Variants in ZFR2 observed in about 807,000 individuals in gnomAD.
The protein encoded by ZFR2 is zinc finger RNA binding protein 2.
A neutral mutation model predicts 105.7 loss-of-function variants in ZFR2; 104 were observed. That is an observed-to-expected ratio of 0.98 (90% CI 0.84 to 1.16). The LOEUF (loss-of-function observed/expected upper bound fraction) is 1.16, where lower values mean the gene tolerates loss of function less well. ZFR2 is among the 50% of genes most tolerant of loss of function. The probability of loss-of-function intolerance (pLI) is 0.00; values close to 1 mark genes in which losing one functional copy is unlikely to be tolerated. For missense variants in ZFR2, 1,425 were observed against 1,355.5 expected, an observed-to-expected ratio of 1.05 and a Z score of -0.80; for synonymous variants, 634 against 597.7, an observed-to-expected ratio of 1.06 and a Z score of -0.89.
At position 3,808,226 on chromosome 19, in the gene ZFR2, C is replaced by T. The variant is rs576087156; in HGVS notation, c.2545+646G>A. On this transcript the variant is annotated intron_variant, in intron 17 of 18. Coordinates refer to ENST00000262961, the MANE Select transcript of ZFR2 (RefSeq NM_015174.2). Reference sequence around the variant, plus strand: ...ATGTGCGTGTGTGCCCGTGCGAGTGCGTGCGTGTGCCCGTGTGTGCAAGTA... The same window carrying T: ...ATGTGCGTGTGTGCCCGTGCGAGTGTGTGCGTGTGCCCGTGTGTGCAAGTA... Among the ~76,000 whole-genome samples the T allele has an allele frequency of 6.1e-3, 881 of 145,372 alleles. 6 individuals carry two copies. Among genetic ancestry groups the T allele is most frequent in the Middle Eastern group, 0.02 (5 of 252 alleles).
rs1236117253 is a variant in ZFR2 at position 3,816,660 on chromosome 19, G to A, written c.2103+14C>T. 4.4e-6 allele frequency: 7 copies of A among 1,592,754 alleles called. No individual in the cohort carries two copies. In the South Asian group the frequency reaches 7.7e-5, roughly 18 times the overall value. On this transcript the variant is annotated intron_variant, in intron 13 of 18. Coordinates refer to ENST00000262961, the MANE Select transcript of ZFR2 (RefSeq NM_015174.2). ...AGACGCCAGAAGCAGCGATGAGCAG[G>A]GCCCTGACCTTACCTGGAGCTGCCG...
rs185990234 is a variant in ZFR2 at position 3,864,980 on chromosome 19, C to G, written c.53+3985G>C. Among the ~76,000 whole-genome samples, 369 of 151,774 alleles carry G rather than the reference C, an allele frequency of 2.4e-3. 1 individual carries two copies. The highest frequency in any genetic ancestry group is 6.8e-3 in the African/African-American group (281 of 41,406). On this transcript the variant is annotated intron_variant, in intron 1 of 18. Transcript: ENST00000262961. ...GCCAGGCTGGTCTCGAACTCCTGAC[C>G]TCAGGTGATCTACCCGCCTCGGCCT...
chr19:3,843,218 C>T (rs2038151832), intron 1 of ZFR2, among the ~76,000 whole-genome samples: 1 of 152,184 alleles, frequency 6.6e-6, no homozygotes. Context: ...CGCCTGGGAT[C>T]CCAGCACTTC....
At chr19:3,867,308 G>GGGGGC (rs1555762894) in intron 1 of ZFR2, among the ~76,000 whole-genome samples, 5 of 151,488 alleles carry the variant, frequency 3.3e-5, no homozygotes, top group African/African-American at 1.2e-4. Flanking sequence ...AACTGTTGGG[G>GGGGGC]GGGGAATCTG....
At position 3,825,392 on chromosome 19, in the gene ZFR2, C is replaced by T. The variant is rs1216066273; in HGVS notation, c.1051G>A (p.Ala351Thr). ...GTGGGAATGGGCTTCCCCAGTTTGG[C>T]GTGCAGCTTGAAGACCTGCAACAGA... ...SKHQKVFKLH[A>T]KLGKPIPTLE... Residue 351 changes from alanine to threonine, a missense_variant, in exon 7 of 19, where the codon GCC (alanine) becomes ACC (threonine). Physicochemically the swap from Ala to Thr is moderately conservative, Grantham distance 58 (BLOSUM62 0). Coordinates refer to ENST00000262961, the MANE Select transcript of ZFR2 (RefSeq NM_015174.2). The T allele has an allele frequency of 1.1e-5, 17 of 1,582,322 alleles. No homozygotes were observed. Among genetic ancestry groups the T allele is most frequent in the South Asian group, 8.1e-5 (7 of 86,636 alleles).
Position 3,834,761 on chromosome 19 carries a change from A to G in ZFR2, c.264+12T>C. 1 of 1,610,986 alleles carries G rather than the reference A, an allele frequency of 6.2e-7. No individual in the cohort carries two copies. ...TTTCCCGGCAACGCTGGTCAAAGAA[A>G]GGACTGGATACCTGGTAGGTAGCCA... On this transcript the variant is annotated intron_variant, in intron 2 of 18. Transcript: ENST00000262961. This position sits in a 1 kb window ranked among gnomAD's most constrained non-coding sequence, Gnocchi z 5.3.
chr19:3,819,141 C>T lies in ZFR2; in HGVS notation c.1835G>A (p.Arg612Lys). ...PTEQELLAVQ[R>K]AVSHAERALK... is the part of the protein sequence containing the mutation. ...GGCCCGCTCTGCGTGGGACACGGCC[C>T]TCTGCACGGCCAGGAGCTCCTGCTC... The change falls in exon 12 of 19, where the codon AGG (arginine) becomes AAG (lysine). Residue 612 changes from arginine (R) to lysine (K), a missense_variant. Coordinates refer to ENST00000262961, the MANE Select transcript of ZFR2 (RefSeq NM_015174.2). 1.2e-6 allele frequency: 2 copies of T among 1,609,132 alleles called. No individual in the cohort carries two copies. Among genetic ancestry groups the T allele is most frequent in the Non-Finnish European group, 1.7e-6 (2 of 1,179,228 alleles).
intron 8 of ZFR2, among the ~76,000 whole-genome samples, chr19:3,822,912 G>A (rs1022522082): frequency 6.6e-6 from 1 of 152,212 alleles, no homozygotes; most frequent in Non-Finnish European, 1.5e-5. Context: ...GGGCTAGACA[G>A]AAGGGCTTCC....
chr19:3,806,558 C>G (rs1289539669), intron 18 of ZFR2, among the ~76,000 whole-genome samples: 1 of 152,250 alleles, frequency 6.6e-6, no homozygotes, highest in African/African-American at 2.4e-5. Context: ...CCCGGCCCGG[C>G]CGACACCGCT....
chr19:3,831,290 G>A lies in ZFR2; in HGVS notation c.852+13C>T, dbSNP rs890714067. On this transcript the variant is annotated intron_variant, in intron 5 of 18. Coordinates refer to ENST00000262961, the MANE Select transcript of ZFR2 (RefSeq NM_015174.2). ...GGTCCCTGGGGCCTGCCCATGGCAG[G>A]AGGGCGACTGACCTGGGGGCCAGCG... 82 of 1,507,712 alleles carry A rather than the reference G, an allele frequency of 5.4e-5. No individual in the cohort carries two copies. Among genetic ancestry groups the A allele is most frequent in the Non-Finnish European group, 6.7e-5 (75 of 1,127,332 alleles). 93.4% of individuals were successfully genotyped at this position (1,507,712 alleles called of 1,614,324 possible). A position where few individuals can be genotyped will look rare whatever the true frequency, so the allele number is the denominator to read the frequency against.
Position 3,813,677 on chromosome 19 carries a change from CAG to C in ZFR2, c.2242+141_2242+142del. 8.1e-7 allele frequency: 1 copy of C among 1,227,134 alleles called. No homozygotes were observed. 76.0% of individuals were successfully genotyped at this position (1,227,134 alleles called of 1,614,324 possible). A position where few individuals can be genotyped will look rare whatever the true frequency, so the allele number is the denominator to read the frequency against. ...GCTCTTGTGTGACCCATGGAATCCT[CAG>C]GGGGACAGCAGTGCTGGAGCGTGGC... On this transcript the variant is annotated intron_variant, in intron 14 of 18. Transcript: ENST00000262961. This position sits in a 1 kb window ranked among gnomAD's most constrained non-coding sequence, Gnocchi z 4.4.
intron 13 of ZFR2, 136 bp from the exon 14 acceptor site, chr19:3,814,094 T>C: frequency 7.5e-7 from 1 of 1,339,824 alleles, no homozygotes; most frequent in Non-Finnish European, 1.0e-6. Flanking sequence ...CCGGGCCCTG[T>C]GCCCTGTGTC....
chr19:3,868,497 C>CCA lies in ZFR2; in HGVS notation c.53+466_53+467dup, dbSNP rs1358362894. 2.0e-5 allele frequency among the ~76,000 whole-genome samples: 3 copies of CCA among 152,056 alleles called. 1 individual carries two copies. The highest frequency in any genetic ancestry group is 7.2e-5 in the African/African-American group (3 of 41,406). On this transcript the variant is annotated intron_variant, in intron 1 of 18. Transcript: ENST00000262961. ...GGGGTCAGCTCCCCTCTGCCCATCC[C>CCA]CACCCACTCCCCGGCCAGGCACCTC...
intron 1 of ZFR2, among the ~76,000 whole-genome samples, chr19:3,851,408 C>A (rs918608597): frequency 3.9e-5 from 6 of 152,218 alleles, no homozygotes; most frequent in African/African-American, 1.4e-4. Flanking sequence ...ACTTGGCCTG[C>A]CTCATCTCAA....
chr19:3,855,505 C>T, intron 1 of ZFR2: 7 of 1,185,922 alleles, frequency 5.9e-6, no homozygotes, highest in Non-Finnish European at 7.4e-6. Flanking sequence ...CTGTCATGGG[C>T]GCTGTCACAG....
chr19:3,829,833 C>T (rs536616031), intron 5 of ZFR2, among the ~76,000 whole-genome samples: 4 of 152,296 alleles, frequency 2.6e-5, no homozygotes, highest in Admixed American at 1.3e-4. Context: ...TCTTTGTGCA[C>T]TTTTGGCGTA....
At chr19:3,839,233 C>T (rs1300905348) in intron 1 of ZFR2, among the ~76,000 whole-genome samples, 1 of 151,972 alleles carries the variant, frequency 6.6e-6, no homozygotes, top group Non-Finnish European at 1.5e-5. Context: ...GCCAAAAAGT[C>T]GATTAGGAAA....
chr19:3,865,988 C>T (rs950698121), intron 1 of ZFR2, among the ~76,000 whole-genome samples: 11 of 152,124 alleles, frequency 7.2e-5, no homozygotes, highest in Admixed American at 6.6e-4. Flanking sequence ...ATTACAGGCG[C>T]GCGACACCAC....
At chr19:3,820,093 G>A (rs936130617) in intron 11 of ZFR2, 89 bp downstream of exon 11, 3 of 1,296,476 alleles carry the variant, frequency 2.3e-6, no homozygotes, top group East Asian at 2.5e-5. Flanking sequence ...GTGGGAGTTG[G>A]GGGGAGGCCG....
Sources: gnomAD v4.1 joint callset for allele counts (sites outside exome capture counted in the v4.1 genomes callset) on GRCh38, gnomAD v4.1.1 for gene constraint, Gnocchi (gnomAD v3.1) non-coding constraint, MANE v1.5 for transcripts, NCBI Gene and HGNC (gene_info 2026-07-23, HGNC 2026-07-21) for gene names.